The following FAM163A variants were observed in gnomAD, a reference collection of about 807,000 sequenced individuals.
The protein encoded by FAM163A is family with sequence similarity 163 member A.
Under a neutral mutation model 12.0 loss-of-function variants are expected in FAM163A, and 7 were observed. The observed-to-expected ratio is 0.58, with a 90% CI of 0.33 to 1.10. The LOEUF (loss-of-function observed/expected upper bound fraction) is 1.10, where lower values mean the gene tolerates loss of function less well. Among genes scored for constraint, FAM163A ranks in the 50% least tolerant of loss-of-function variants. The probability of loss-of-function intolerance (pLI) is 0.03; values close to 1 mark genes in which losing one functional copy is unlikely to be tolerated. For missense variants in FAM163A, 202 were observed against 218.6 expected, an observed-to-expected ratio of 0.92 and a Z score of 0.48; for synonymous variants, 101 against 91.0, an observed-to-expected ratio of 1.11 and a Z score of -0.62.
the FAM163A span, among the ~76,000 whole-genome samples, chr1:179,733,004 A>C: frequency 1.3e-5 from 2 of 151,886 alleles, no homozygotes; most frequent in Non-Finnish European, 2.9e-5. Flanking sequence ...AGACCTGCTC[A>C]GAAAGGCCAC....
At chr1:179,764,649 G>A (rs1444209404) in intron 1 of FAM163A, among the ~76,000 whole-genome samples, 6 of 152,148 alleles carry the variant, frequency 3.9e-5, no homozygotes, top group East Asian at 1.9e-4. Context: ...ATGGTTGTTC[G>A]CCCTAGAGGT....
the FAM163A span, among the ~76,000 whole-genome samples, chr1:179,734,721 T>C: frequency 2.0e-5 from 3 of 152,172 alleles, no homozygotes; most frequent in African/African-American, 7.2e-5. Context: ...AATTTCAACA[T>C]AGAATTTAGG....
chr1:179,745,123 GCAGGTACAGA>G (rs1684282262), intron 1 of FAM163A, among the ~76,000 whole-genome samples: 1 of 152,072 alleles, frequency 6.6e-6, no homozygotes, highest in Admixed American at 6.5e-5. Context: ...ATCTAAACCA[GCAGGTACAGA>G]CAGGGTCATG....
chr1:179,795,065 G>A (rs1269025133), intron 1 of FAM163A, among the ~76,000 whole-genome samples: 1 of 152,156 alleles, frequency 6.6e-6, no homozygotes, highest in Non-Finnish European at 1.5e-5. Flanking sequence ...TGGCAAGGTG[G>A]TAAGAAGGGG....
chr1:179,736,330 CA>C, the FAM163A span, among the ~76,000 whole-genome samples: 97,751 of 146,640 alleles, frequency 0.67, 33,329 homozygotes, highest in East Asian at 0.95. Context: ...AACTCAGTGA[CA>C]AAAAAAAAAA....
chr1:179,803,039 G>T (rs1486346333), intron 1 of FAM163A, among the ~76,000 whole-genome samples: 1 of 152,068 alleles, frequency 6.6e-6, no homozygotes, highest in Non-Finnish European at 1.5e-5. Flanking sequence ...CATCCTGGGG[G>T]TCAGGACTTT....
intron 2 of FAM163A, among the ~76,000 whole-genome samples, chr1:179,811,613 G>A (rs1215442615): frequency 6.6e-6 from 1 of 152,186 alleles, no homozygotes; most frequent in East Asian, 1.9e-4. Context: ...CCACACTGCC[G>A]GGCAGGTGCA....
the FAM163A span, among the ~76,000 whole-genome samples, chr1:179,735,008 CA>C: frequency 4.6e-5 from 7 of 151,886 alleles, no homozygotes; most frequent in African/African-American, 9.7e-5. Flanking sequence ...AAAGTTAAAA[CA>C]AAAAAAGTTT....
the FAM163A span, among the ~76,000 whole-genome samples, chr1:179,737,156 A>G: frequency 6.6e-6 from 1 of 152,226 alleles, no homozygotes; most frequent in Non-Finnish European, 1.5e-5. Context: ...TATAAATACA[A>G]GGAAATATTA....
chr1:179,748,139 G>A (rs1245502069), intron 1 of FAM163A, among the ~76,000 whole-genome samples: 1 of 152,128 alleles, frequency 6.6e-6, no homozygotes, highest in Admixed American at 6.6e-5. Flanking sequence ...TCTGTTGTTT[G>A]GAAAAAACAG....
intron 1 of FAM163A, among the ~76,000 whole-genome samples, chr1:179,760,043 T>G (rs535628038): frequency 6.6e-6 from 1 of 152,164 alleles, no homozygotes; most frequent in African/African-American, 2.4e-5. Context: ...AGTAGGAAAA[T>G]GATGGGTGCA....
chr1:179,774,459 T>C (rs1278563683), intron 1 of FAM163A, among the ~76,000 whole-genome samples: 1 of 152,194 alleles, frequency 6.6e-6, no homozygotes, highest in African/African-American at 2.4e-5. Flanking sequence ...CCCTATGTGC[T>C]TTTTTCTCCG....
intron 3 of FAM163A, 37 bp from the exon 4 acceptor site, chr1:179,813,039 C>G: frequency 6.5e-7 from 1 of 1,534,394 alleles, no homozygotes; most frequent in Non-Finnish European, 8.8e-7. Context: ...AGGGCTGCAG[C>G]CACAGCTGGT....
chr1:179,750,804 C>A (rs543636912), intron 1 of FAM163A, among the ~76,000 whole-genome samples: 1 of 152,298 alleles, frequency 6.6e-6, no homozygotes. Flanking sequence ...CCAGGGAAAC[C>A]TGTTAGCAGA....
In FAM163A at chr1:179,779,775, C is replaced by G. The variant is rs538146364; in HGVS notation, c.-135-28023C>G. Among the ~76,000 whole-genome samples the G allele has an allele frequency of 2.0e-5, 3 of 152,286 alleles. No homozygotes were observed. The Middle Eastern group carries it at 0.01, about 518-fold the overall frequency. ...TTCATAAAGATCAGTGGAGCTTTAA[C>G]TCTGGGAATCCACGTGAATGATAAA... On this transcript the variant is annotated intron_variant, in intron 1 of 4. Transcript: ENST00000341785.
At chr1:179,793,998 A>T (rs1048305177) in intron 1 of FAM163A, among the ~76,000 whole-genome samples, 1 of 152,256 alleles carries the variant, frequency 6.6e-6, no homozygotes, top group Non-Finnish European at 1.5e-5. Context: ...TGGAGAAGAC[A>T]TCAGCACCAG....
chr1:179,779,511 C>T (rs931215399), intron 1 of FAM163A, among the ~76,000 whole-genome samples: 5 of 152,168 alleles, frequency 3.3e-5, no homozygotes, highest in African/African-American at 1.2e-4. Flanking sequence ...TTAAAAGTCC[C>T]AGTGGGACCC....
At chr1:179,733,010 G>A in the FAM163A span, among the ~76,000 whole-genome samples, 1 of 151,744 alleles carries the variant, frequency 6.6e-6, no homozygotes, top group African/African-American at 2.4e-5. Flanking sequence ...GCTCAGAAAG[G>A]CCACCTACAG....
rs190388882 is a variant in FAM163A at position 179,768,145 on chromosome 1, C to T, written c.-136+24722C>T. ...TATTTCATTTAGCATAATGTCTGTC[C>T]GTGCTGTAGCATATGACAGGATTTC... On this transcript the variant is annotated intron_variant, in intron 1 of 4. Coordinates refer to ENST00000341785, the MANE Select transcript of FAM163A (RefSeq NM_173509.3). 1.4e-4 allele frequency among the ~76,000 whole-genome samples: 22 copies of T among 152,268 alleles called. No individual in the cohort carries two copies. The East Asian group carries it at 4.0e-3, about 28-fold the overall frequency.
Sources: allele counts gnomAD v4.1 joint callset (sites outside exome capture counted in the v4.1 genomes callset), GRCh38; gene constraint gnomAD v4.1.1; transcripts MANE v1.5; gene names NCBI Gene and HGNC (gene_info 2026-07-23, HGNC 2026-07-21).